ADGRB3: variants seen among roughly 807,000 people sequenced by gnomAD.
ADGRB3 encodes adhesion G protein-coupled receptor B3, also known as brain-specific angiogenesis inhibitor 3.
Under a neutral mutation model 193.4 loss-of-function variants are expected in ADGRB3, and 37 were observed. The observed-to-expected ratio is 0.19, with a 90% CI of 0.15 to 0.25. ADGRB3 has a LOEUF of 0.25. Among genes scored for constraint, ADGRB3 ranks in the 10% least tolerant of loss-of-function variants. The pLI, the probability that ADGRB3 is intolerant of heterozygous loss-of-function variation, is 1.00. For missense variants in ADGRB3, 1,637 were observed against 1,852.9 expected (o/e 0.88, Z 2.14); for synonymous variants, 690 against 644.2 (o/e 1.07, Z -1.08).
At chr6:68,846,472 T>G (rs1343121329) in intron 3 of ADGRB3, among the ~76,000 whole-genome samples, 2 of 151,960 alleles carry the variant, frequency 1.3e-5, no homozygotes, top group Admixed American at 6.6e-5. Flanking sequence ...GAGGAAAAAA[T>G]GATTTCATGG....
At chr6:69,137,075 T>TG (rs1221168051) in intron 17 of ADGRB3, among the ~76,000 whole-genome samples, 1 of 119,522 alleles carries the variant, frequency 8.4e-6, no homozygotes, top group East Asian at 2.5e-4. Flanking sequence ...TTTTTTTTTT[T>TG]TAATGGTAAG....
chr6:69,110,024 T>G (rs1205633085), intron 17 of ADGRB3, among the ~76,000 whole-genome samples: 1 of 150,642 alleles, frequency 6.6e-6, no homozygotes, highest in African/African-American at 2.4e-5. Flanking sequence ...CTCTGCTCAC[T>G]GCAACCTCCA....
intron 26 of ADGRB3, among the ~76,000 whole-genome samples, chr6:69,350,403 AC>A (rs1468947402): frequency 6.6e-6 from 1 of 151,722 alleles, no homozygotes; most frequent in African/African-American, 2.4e-5. Context: ...CAGATATTTG[AC>A]CCTCTGCCTA....
chr6:69,334,064 T>A (rs1356076877), intron 24 of ADGRB3, among the ~76,000 whole-genome samples: 1 of 151,658 alleles, frequency 6.6e-6, no homozygotes, highest in Admixed American at 6.6e-5. Context: ...TATAGATTGT[T>A]AGTAGCTTTT....
At chr6:68,996,923 A>G (rs532118242) in intron 11 of ADGRB3, among the ~76,000 whole-genome samples, 7 of 152,326 alleles carry the variant, frequency 4.6e-5, no homozygotes, top group African/African-American at 1.7e-4. Context: ...TAGTGGTAAT[A>G]ATCACAGAGG....
chr6:69,031,630 T>G (rs1770712517), intron 13 of ADGRB3, among the ~76,000 whole-genome samples: 1 of 150,402 alleles, frequency 6.6e-6, no homozygotes, highest in Non-Finnish European at 1.5e-5. Context: ...TTTCTTTTCC[T>G]TTCTTTCTTT....
chr6:69,155,483 T>G (rs1774809567), intron 17 of ADGRB3, among the ~76,000 whole-genome samples: 1 of 152,246 alleles, frequency 6.6e-6, no homozygotes, highest in Admixed American at 6.5e-5. Context: ...AGGGAATACC[T>G]TTTGTTCTTT....
At position 69,029,583 on chromosome 6, in the gene ADGRB3, A is replaced by G. The variant is rs1770561712; in HGVS notation, c.2107+11084A>G. On this transcript the variant is annotated intron_variant, in intron 13 of 31. Transcript: ENST00000370598. The stretch of plus-strand genomic sequence containing the variant: ...CACATTAATGTGGAGCAGCATTGGG[A>G]AAATCAATAGGAAAAGTGGAGGAAA... 3.3e-5 allele frequency among the ~76,000 whole-genome samples: 5 copies of G among 152,328 alleles called. No individual in the cohort carries two copies. In the South Asian group the frequency reaches 1.0e-3, roughly 32 times the overall value.
Position 68,956,690 on chromosome 6 carries a change from A to C in ADGRB3, c.1406A>C (p.Lys469Thr). 1 of 1,614,028 alleles carries C rather than the reference A, an allele frequency of 6.2e-7. No individual in the cohort carries two copies. Among genetic ancestry groups the C allele is most frequent in the Non-Finnish European group, 8.5e-7 (1 of 1,179,970 alleles). Reference sequence around the variant, plus strand: ...TGGGGTCATTGGAGTGGTTGTTCCAAGTCCTGTGATGGCGGCTGGGAAAGG... The same window carrying C: ...TGGGGTCATTGGAGTGGTTGTTCCACGTCCTGTGATGGCGGCTGGGAAAGG... ...NQWGHWSGCS[K>T]SCDGGWERRI... Residue 469 changes from lysine to threonine, a missense_variant, in exon 8 of 32, where the codon AAG (lysine) becomes ACG (threonine). Physicochemically the swap from Lys to Thr is moderately conservative, Grantham distance 78 (BLOSUM62 -1). Coordinates refer to ENST00000370598, the MANE Select transcript of ADGRB3 (RefSeq NM_001704.3).
At chr6:69,127,068 T>G (rs1382733551) in intron 17 of ADGRB3, among the ~76,000 whole-genome samples, 1 of 152,062 alleles carries the variant, frequency 6.6e-6, no homozygotes, top group Non-Finnish European at 1.5e-5. Flanking sequence ...GAAGCAAAAG[T>G]GAGATGTTAG....
chr6:69,176,250 T>C (rs1289767943), intron 17 of ADGRB3, among the ~76,000 whole-genome samples: 2 of 152,214 alleles, frequency 1.3e-5, no homozygotes, highest in Non-Finnish European at 2.9e-5. Flanking sequence ...TTCTGCACAT[T>C]CAGTATGATG....
At chr6:68,860,225 C>CTTTAT (rs1298947416) in intron 3 of ADGRB3, among the ~76,000 whole-genome samples, 2 of 151,972 alleles carry the variant, frequency 1.3e-5, no homozygotes, top group East Asian at 1.9e-4. Context: ...GGGGAAGAAT[C>CTTTAT]TTTATTTTAT....
At chr6:68,791,105 A>G (rs1294125536) in intron 3 of ADGRB3, among the ~76,000 whole-genome samples, 1 of 151,826 alleles carries the variant, frequency 6.6e-6, no homozygotes, top group Non-Finnish European at 1.5e-5. Flanking sequence ...TACTTAAGTG[A>G]CAAGTATCCT....
intron 3 of ADGRB3, among the ~76,000 whole-genome samples, chr6:68,671,765 T>A (rs1181018717): frequency 6.6e-6 from 1 of 152,028 alleles, no homozygotes; most frequent in Non-Finnish European, 1.5e-5. Flanking sequence ...GGCATTAGGG[T>A]AATACTGGCC....
chr6:69,061,272 T>C (rs10485428), intron 15 of ADGRB3, among the ~76,000 whole-genome samples: 9,205 of 151,876 alleles, frequency 0.061, 354 homozygotes, highest in Non-Finnish European at 0.088. Flanking sequence ...GCGAAACAGG[T>C]GTATAGTTCC....
At chr6:68,982,053 T>C (rs919811261) in intron 10 of ADGRB3, among the ~76,000 whole-genome samples, 1 of 151,790 alleles carries the variant, frequency 6.6e-6, no homozygotes, top group African/African-American at 2.4e-5. Flanking sequence ...GCCGGGCTAA[T>C]TTTTGTATTT....
At chr6:69,014,637 T>C (rs575307608) in intron 12 of ADGRB3, among the ~76,000 whole-genome samples, 15 of 152,180 alleles carry the variant, frequency 9.9e-5, no homozygotes, top group Admixed American at 2.6e-4. Flanking sequence ...AGATATTGTT[T>C]ATAAATGCTT....
rs181652653 is a variant in ADGRB3, at chr6:68,825,424, A to T, written c.758-105135A>T. On this transcript the variant is annotated intron_variant, in intron 3 of 31. Coordinates refer to ENST00000370598, the MANE Select transcript of ADGRB3 (RefSeq NM_001704.3). ...TGTTTCACACATAAACAGAATTTTC[A>T]TTTATCTATATAAGGGAATGCATAC... Among the ~76,000 whole-genome samples the T allele has an allele frequency of 1.5e-3, 230 of 152,288 alleles. No homozygotes were observed. The Middle Eastern group carries it at 0.027, about 18-fold the overall frequency.
rs1452245172 is a variant in ADGRB3, at chr6:69,048,329, C to T, written c.2252C>T (p.Ser751Leu). Residue 751 changes from serine to leucine, a missense_variant, in exon 14 of 32, where the codon TCA becomes TTA. Physicochemically the swap from Ser to Leu is moderately radical, Grantham distance 145. Around this residue, in one of 7 missense-constraint regions of ADGRB3, gnomAD observed 641 missense variants for 673.9 expected, o/e 0.95. Coordinates refer to ENST00000370598, the MANE Select transcript of ADGRB3 (RefSeq NM_001704.3). ...IPKSIFTPVS[S>L]KELDESSVFV... The stretch of plus-strand genomic sequence containing the variant: ...AAAAGCATTTTCACTCCGGTGTCAT[C>T]AAAAGGTAAATATCTGAAATAATAT... 6.2e-7 allele frequency: 1 copy of T among 1,611,976 alleles called. No individual in the cohort carries two copies. Among genetic ancestry groups the T allele is most frequent in the South Asian group, 1.1e-5 (1 of 90,850 alleles).
Sources: gnomAD v4.1 joint callset for allele counts (sites outside exome capture counted in the v4.1 genomes callset) on GRCh38, gnomAD v4.1.1 for gene constraint, gnomAD v4.1.1 regional missense constraint, MANE v1.5 for transcripts, NCBI Gene and HGNC (gene_info 2026-07-23, HGNC 2026-07-21) for gene names.